Variants in AK9 observed in about 807,000 individuals in gnomAD.
The protein encoded by AK9 is adenylate kinase 9.
Under a neutral mutation model 239.6 loss-of-function variants are expected in AK9, and 191 were observed. The observed-to-expected ratio is 0.80, with a 90% CI of 0.71 to 0.90. AK9 has a LOEUF of 0.90. Among genes scored for constraint, AK9 ranks in the 40% least tolerant of loss-of-function variants. The pLI, the probability that AK9 is intolerant of heterozygous loss-of-function variation, is 0.00. For synonymous variants in AK9, 689 were observed against 721.0 expected, an observed-to-expected ratio of 0.96 and a Z score of 0.71; for missense variants, 1,995 against 2,214.7, an observed-to-expected ratio of 0.90 and a Z score of 1.99.
chr6:109,501,038 A>G (rs1562319146), intron 35 of AK9, among the ~76,000 whole-genome samples: 4 of 152,096 alleles, frequency 2.6e-5, no homozygotes. Flanking sequence ...GAAAAGAAAT[A>G]CATCACACCC....
At chr6:109,563,783 A>T (rs1013244132) in intron 23 of AK9, 71 bp from the exon 24 acceptor site, 2 of 1,420,820 alleles carry the variant, frequency 1.4e-6, no homozygotes, top group Non-Finnish European at 1.9e-6. Context: ...ACTATAGTCA[A>T]ATGTTGGGAA....
intron 17 of AK9, among the ~76,000 whole-genome samples, chr6:109,610,143 T>C (rs542842769): frequency 2.0e-5 from 3 of 152,364 alleles, no homozygotes; most frequent in African/African-American, 7.2e-5. Flanking sequence ...CATAAAGTTA[T>C]ATTACATAAT....
intron 14 of AK9, 37 bp downstream of exon 14, chr6:109,614,348 T>C (rs770612608): frequency 6.5e-7 from 1 of 1,548,976 alleles, no homozygotes; most frequent in South Asian, 1.2e-5. Context: ...ATATTAGGGA[T>C]GATTTGGTCA....
chr6:109,498,182 A>T (rs1277400386), intron 36 of AK9, among the ~76,000 whole-genome samples: 1 of 152,186 alleles, frequency 6.6e-6, no homozygotes, highest in Non-Finnish European at 1.5e-5. Flanking sequence ...TCACTCATTC[A>T]TTCATTCCTA....
intron 16 of AK9, among the ~76,000 whole-genome samples, chr6:109,610,945 G>A (rs888789459): frequency 6.6e-6 from 1 of 152,166 alleles, no homozygotes; most frequent in Non-Finnish European, 1.5e-5. Flanking sequence ...TGGAGGGGAT[G>A]GAGAAAAGGT....
intron 24 of AK9, among the ~76,000 whole-genome samples, chr6:109,560,788 G>A (rs1489383724): frequency 6.6e-6 from 1 of 152,056 alleles, no homozygotes; most frequent in Non-Finnish European, 1.5e-5. Flanking sequence ...CTCATAGAAT[G>A]ACTAGGAAGT....
Position 109,515,968 on chromosome 6 carries a change from A to G in AK9, c.3954T>C (p.Asn1318=). The G allele has an allele frequency of 6.4e-7, 1 of 1,551,504 alleles. No individual in the cohort carries two copies. The highest frequency in any genetic ancestry group is 1.2e-5 in the South Asian group (1 of 84,048). The part of the protein sequence containing the change: ...LNMKLKPLVE[N]RASIFEKCHP... ...GACATTTCTCAAAAATGCTTGCACG[A>G]TTTTCCACCAGTGGTTTCAGTTTCA... Residue 1318 remains asparagine, a synonymous_variant, in exon 31 of 41, where the codon AAT becomes AAC. Transcript: ENST00000424296.
intron 24 of AK9, among the ~76,000 whole-genome samples, chr6:109,556,281 T>G (rs1190388941): frequency 6.6e-6 from 1 of 152,184 alleles, no homozygotes; most frequent in African/African-American, 2.4e-5. Context: ...AAGCTTAGTT[T>G]GGCTGGATAT....
intron 10 of AK9, among the ~76,000 whole-genome samples, chr6:109,634,790 C>A (rs778644641): frequency 1.3e-5 from 2 of 152,316 alleles, no homozygotes; most frequent in Middle Eastern, 3.4e-3. Flanking sequence ...TGAAACCATG[C>A]CCAGTTAGGT....
chr6:109,555,769 CTTT>C (rs984972756), intron 24 of AK9, among the ~76,000 whole-genome samples: 1 of 152,210 alleles, frequency 6.6e-6, no homozygotes, highest in African/African-American at 2.4e-5. Flanking sequence ...TAGTCCCCTT[CTTT>C]GTCTTTTTTG....
At chr6:109,561,316 T>C (rs1481264124) in intron 24 of AK9, among the ~76,000 whole-genome samples, 1 of 151,708 alleles carries the variant, frequency 6.6e-6, no homozygotes, top group Non-Finnish European at 1.5e-5. Context: ...TTATTTTATG[T>C]TTTGTTTTGT....
intron 20 of AK9, among the ~76,000 whole-genome samples, chr6:109,573,943 T>C (rs1787746185): frequency 6.6e-6 from 1 of 152,170 alleles, no homozygotes; most frequent in South Asian, 2.1e-4. Context: ...AGCCACTAGC[T>C]ACATGTGGCT....
intron 8 of AK9, among the ~76,000 whole-genome samples, chr6:109,649,200 C>G (rs1235893429): frequency 6.6e-6 from 1 of 152,094 alleles, no homozygotes; most frequent in Non-Finnish European, 1.5e-5. Context: ...GATGCCCTCT[C>G]TCACCACTCC....
chr6:109,499,086 G>C lies in AK9; in HGVS notation c.5004C>G (p.Phe1668Leu). ...ATDSLEFAAEFRGHYYKMSSQ... is the reference protein window; with the variant it reads ...ATDSLEFAAELRGHYYKMSSQ... Reference sequence around the variant, plus strand: ...AACTCATTTTATAGTAGTGCCCCCTGAACTCTGCTGCAAATTCCAAGGAGT... The same window carrying C: ...AACTCATTTTATAGTAGTGCCCCCTCAACTCTGCTGCAAATTCCAAGGAGT... The change falls in exon 36 of 41, where the codon TTC becomes TTG. Residue 1668 changes from phenylalanine (F) to leucine (L), a missense_variant. By Grantham distance (22) the Phe-to-Leu change is conservative. This residue lies in a region of AK9 where 391 missense variants were observed against 456.0 expected (regional missense o/e 0.86). Transcript: ENST00000424296. 6.3e-7 allele frequency: 1 copy of C among 1,599,760 alleles called. No individual in the cohort carries two copies. The highest frequency in any genetic ancestry group is 8.5e-7 in the Non-Finnish European group (1 of 1,173,464).
chr6:109,538,176 C>T lies in AK9; in HGVS notation c.3350+3871G>A, dbSNP rs377503397. On this transcript the variant is annotated intron_variant, in intron 27 of 40. Coordinates refer to ENST00000424296, the MANE Select transcript of AK9 (RefSeq NM_001145128.3). ...GGATATCCTTGTGAACTTTCTGTCT[C>T]GTTGATCTGTCTAATGTTGATAGTG... Among the ~76,000 whole-genome samples the T allele has an allele frequency of 4.3e-3, 653 of 152,202 alleles. 1 individual carries two copies. Among genetic ancestry groups the T allele is most frequent in the Middle Eastern group, 0.017 (5 of 292 alleles).
intron 12 of AK9, chr6:109,632,402 C>A (rs1796180601): frequency 1.5e-5 from 12 of 783,050 alleles, no homozygotes; most frequent in Non-Finnish European, 1.7e-5. Context: ...CAAATTATAT[C>A]CCAAATATGC....
rs1194434023 is a variant in AK9 at position 109,564,844 on chromosome 6, T to C, written c.2346A>G (p.Val782=). 2.0e-6 allele frequency: 3 copies of C among 1,532,492 alleles called. No homozygotes were observed. The highest frequency in any genetic ancestry group is 1.7e-4 in the Middle Eastern group (1 of 5,948). 94.9% of individuals were successfully genotyped at this position (1,532,492 alleles called of 1,614,324 possible). Residue 782 remains valine, a splice_region_variant and synonymous_variant, in exon 22 of 41, where the codon GTA becomes GTG. Coordinates refer to ENST00000424296, the MANE Select transcript of AK9 (RefSeq NM_001145128.3). The part of the protein sequence containing the change: ...SEVPETEPEA[V]SEPIEETTVE... ...CTGTAGTTTCCTCGATAGGCTCAGA[T>C]ACTTAAGAAAGAAATCGAATAGTTA...
At chr6:109,668,072 G>C (rs1160101354) in intron 5 of AK9, among the ~76,000 whole-genome samples, 1 of 152,176 alleles carries the variant, frequency 6.6e-6, no homozygotes, top group Non-Finnish European at 1.5e-5. Flanking sequence ...GTTGTTTCCT[G>C]ACTTTTTAAT....
chr6:109,678,911 C>T (rs1037013901), intron 1 of AK9, among the ~76,000 whole-genome samples: 10 of 152,194 alleles, frequency 6.6e-5, no homozygotes, highest in African/African-American at 1.9e-4. Context: ...CCATGAGGAA[C>T]GGTGCACTCT....
Sources: gnomAD v4.1 joint callset for allele counts (sites outside exome capture counted in the v4.1 genomes callset) on GRCh38, gnomAD v4.1.1 for gene constraint, gnomAD v4.1.1 regional missense constraint, MANE v1.5 for transcripts, NCBI Gene and HGNC (gene_info 2026-07-23, HGNC 2026-07-21) for gene names.